PSG3: variants seen among roughly 807,000 people sequenced by gnomAD.
The protein encoded by PSG3 is pregnancy specific beta-1-glycoprotein 3, also known as pregnancy-specific beta-1-glycoprotein 3.
A neutral mutation model predicts 47.5 loss-of-function variants in PSG3; 61 were observed. The observed-to-expected ratio is 1.28, with a 90% CI of 1.05 to 1.59. PSG3 has a LOEUF of 1.59. Among genes scored for constraint, PSG3 ranks in the 40% most tolerant of loss-of-function variants. The pLI, the probability that PSG3 is intolerant of heterozygous loss-of-function variation, is 0.00. For missense variants in PSG3, 756 were observed against 524.0 expected (o/e 1.44, Z -4.32); for synonymous variants, 263 against 198.4 (o/e 1.33, Z -2.74).
At chr19:42,736,035 TG>T (rs1969557531) in intron 2 of PSG3, among the ~76,000 whole-genome samples, 1 of 152,232 alleles carries the variant, frequency 6.6e-6, no homozygotes, top group South Asian at 2.1e-4. Flanking sequence ...TTTAGTTTAT[TG>T]TTTAACTTTG....
intron 2 of PSG3, among the ~76,000 whole-genome samples, chr19:42,738,225 T>C (rs149470483): frequency 2.0e-5 from 3 of 152,336 alleles, no homozygotes; most frequent in African/African-American, 7.2e-5. Context: ...CACAGTCCTC[T>C]GACAGCTGGT....
intron 2 of PSG3, among the ~76,000 whole-genome samples, chr19:42,735,495 T>G (rs1600388931): frequency 6.6e-6 from 1 of 152,064 alleles, no homozygotes; most frequent in South Asian, 2.1e-4. Flanking sequence ...GCCTCCCAAA[T>G]AGCTGGGACT....
chr19:42,729,714 C>A, intron 4 of PSG3, 64 bp downstream of exon 4: 3 of 1,576,648 alleles, frequency 1.9e-6, no homozygotes, highest in South Asian at 2.4e-5. Context: ...AGTGAGAGGC[C>A]TGGCCTCTGG....
intron 3 of PSG3, among the ~76,000 whole-genome samples, chr19:42,730,514 C>G (rs1969456322): frequency 6.6e-6 from 1 of 152,210 alleles, no homozygotes; most frequent in African/African-American, 2.4e-5. Flanking sequence ...ATGGGACTTC[C>G]CATGGCCCTG....
At chr19:42,736,450 A>C (rs1271355439) in intron 2 of PSG3, among the ~76,000 whole-genome samples, 1 of 152,028 alleles carries the variant, frequency 6.6e-6, no homozygotes, top group Non-Finnish European at 1.5e-5. Flanking sequence ...AATCAGCAGT[A>C]CTCATTTTTT....
At position 42,732,913 on chromosome 19, in the gene PSG3, G is replaced by A. The variant is rs16976176; in HGVS notation, c.580C>T (p.Gln194Ter). The A allele has an allele frequency of 1.2e-6, 2 of 1,614,122 alleles. No individual in the cohort carries two copies. Among genetic ancestry groups the A allele is most frequent in the African/African-American group, 2.7e-5 (2 of 75,028 alleles). Residue 194 changes from glutamine to a stop codon, truncating the protein, a stop_gained, in exon 3 of 7, where the codon CAG becomes TAG. Coordinates refer to ENST00000327495, the MANE Select transcript of PSG3 (RefSeq NM_021016.4). LOFTEE classifies it high-confidence loss of function. Reference protein sequence around the residue: ...GQSLPMTHSLQLSKNKRTLFL... With the variant: ...GQSLPMTHSL ...AGGGTCCTTTTGTTTTTGGACAACT[G>A]CAAGCTGTGAGTCATAGGGAGGCTC...
chr19:42,738,084 G>C (rs1358630653), intron 2 of PSG3, among the ~76,000 whole-genome samples: 6 of 152,096 alleles, frequency 3.9e-5, no homozygotes, highest in African/African-American at 1.5e-4. Context: ...GCCTCCTAAG[G>C]CAGTTGTCTG....
intron 3 of PSG3, among the ~76,000 whole-genome samples, chr19:42,731,736 T>C (rs1327311596): frequency 2.6e-5 from 4 of 151,726 alleles, no homozygotes; most frequent in Non-Finnish European, 5.9e-5. Context: ...CTAACAATAT[T>C]GATTCCTCCA....
intron 2 of PSG3, among the ~76,000 whole-genome samples, chr19:42,736,249 C>T (rs994396983): frequency 2.6e-5 from 4 of 152,154 alleles, no homozygotes; most frequent in African/African-American, 9.7e-5. Flanking sequence ...CTAATTGCTC[C>T]TATAGATAAC....
chr19:42,739,652 G>A (rs1270192379), intron 1 of PSG3, among the ~76,000 whole-genome samples: 1 of 152,216 alleles, frequency 6.6e-6, no homozygotes, highest in Non-Finnish European at 1.5e-5. Context: ...AGTTCTCAGG[G>A]CCCTCCATGC....
intron 6 of PSG3, among the ~76,000 whole-genome samples, chr19:42,722,896 A>G (rs1402642607): frequency 6.6e-6 from 1 of 152,224 alleles, no homozygotes; most frequent in Non-Finnish European, 1.5e-5. Context: ...AAAAATTACC[A>G]ATGCCTGGGT....
In PSG3 at chr19:42,729,359, C is replaced by G. The variant is rs1330694432; in HGVS notation, c.1007G>C (p.Arg336Thr). Residue 336 changes from arginine (R) to threonine (T), a missense_variant, in exon 5 of 7, where the codon AGA (arginine) becomes ACA (threonine). By Grantham distance (71) the Arg-to-Thr change is moderately conservative. Transcript: ENST00000327495. The stretch of plus-strand genomic sequence containing the variant: ...GTAATAGGTGAATGAAGGGTAAATT[C>G]TGGGGAGGTCTGGACCATCTGGAGC... ...LNVLYGPDLPRIYPSFTYYHS... is the reference protein window; with the variant it reads ...LNVLYGPDLPTIYPSFTYYHS... The G allele has an allele frequency of 9.3e-6, 15 of 1,613,466 alleles. No homozygotes were observed. Among genetic ancestry groups the G allele is most frequent in the Non-Finnish European group, 1.2e-5 (14 of 1,179,710 alleles).
intron 2 of PSG3, among the ~76,000 whole-genome samples, chr19:42,735,894 ACT>A (rs1159469633): frequency 6.6e-6 from 1 of 152,130 alleles, no homozygotes; most frequent in African/African-American, 2.4e-5. Flanking sequence ...AGCCTCTGAC[ACT>A]CTGGTGAGTC....
chr19:42,725,405 T>C (rs2122161681), intron 5 of PSG3, among the ~76,000 whole-genome samples: 1 of 151,668 alleles, frequency 6.6e-6, no homozygotes, highest in Admixed American at 6.6e-5. Flanking sequence ...GAGGGAAAAA[T>C]AAGGATTAGA....
chr19:42,739,134 T>C, intron 1 of PSG3, 45 bp from the exon 2 acceptor site: 1 of 1,558,984 alleles, frequency 6.4e-7, no homozygotes. Context: ...ACCTATGCAT[T>C]GGGGTGAAAA....
chr19:42,728,935 G>C (rs1600381780), intron 5 of PSG3, among the ~76,000 whole-genome samples, 188 bp downstream of exon 5: 1 of 152,136 alleles, frequency 6.6e-6, no homozygotes, highest in African/African-American at 2.4e-5. Context: ...GGTCAGCCAT[G>C]AGAAAACAGA....
intron 5 of PSG3, among the ~76,000 whole-genome samples, chr19:42,725,004 A>G (rs1203288724): frequency 6.6e-6 from 1 of 151,924 alleles, no homozygotes; most frequent in Non-Finnish European, 1.5e-5. Flanking sequence ...CATTATTTCC[A>G]TTTTGCCGAT....
In PSG3 at chr19:42,738,889, T is replaced by C. The variant is rs904453039; in HGVS notation, c.265A>G (p.Ile89Val). 34 of 1,613,950 alleles carry C rather than the reference T, an allele frequency of 2.1e-5. No individual in the cohort carries two copies. Among genetic ancestry groups the C allele is most frequent in the Admixed American group, 1.8e-4 (11 of 60,000 alleles). ...ITSYVVDGQI[I>V]IYGPAYSGRE... ...CCACTGTATGCAGGCCCATATATAA[T>C]TATTTGACCATCTACTACGTATGAT... Residue 89 changes from isoleucine to valine, a missense_variant, in exon 2 of 7, where the codon ATT becomes GTT. Transcript: ENST00000327495.
At chr19:42,722,189 A>G (rs1175584024) in intron 6 of PSG3, 99 bp from the exon 7 acceptor site, 1 of 400,026 alleles carries the variant, frequency 2.5e-6, no homozygotes, top group Admixed American at 4.4e-5. Context: ...CTTCTGTGGC[A>G]TATGACACTA....
Sources: gnomAD v4.1 joint callset for allele counts (sites outside exome capture counted in the v4.1 genomes callset) on GRCh38, gnomAD v4.1.1 for gene constraint, MANE v1.5 for transcripts, NCBI Gene and HGNC (gene_info 2026-07-23, HGNC 2026-07-21) for gene names.